The following SGPP2 variants were observed in gnomAD, a reference collection of about 807,000 sequenced individuals.
SGPP2 encodes sphingosine-1-phosphate phosphatase 2.
A neutral mutation model predicts 33.9 loss-of-function variants in SGPP2; 30 were observed. The ratio of observed to expected loss-of-function variants is 0.89; its 90% CI spans 0.66 to 1.20. The LOEUF is 1.20. SGPP2 is among the 50% of genes most tolerant of loss of function. The probability of loss-of-function intolerance (pLI) is 0.00; values close to 1 mark genes in which losing one functional copy is unlikely to be tolerated. For missense variants in SGPP2, 458 were observed against 532.1 expected, an observed-to-expected ratio of 0.86 and a Z score of 1.37; for synonymous variants, 233 against 225.0, an observed-to-expected ratio of 1.04 and a Z score of -0.32.
At chr2:222,464,499 T>C (rs1206117330) in intron 1 of SGPP2, among the ~76,000 whole-genome samples, 1 of 152,210 alleles carries the variant, frequency 6.6e-6, no homozygotes, top group African/African-American at 2.4e-5. Context: ...CTTTGCTTTT[T>C]TGAGATAGGG....
intron 4 of SGPP2, among the ~76,000 whole-genome samples, chr2:222,540,346 C>G (rs144228114): frequency 1.3e-5 from 2 of 152,102 alleles, no homozygotes; most frequent in Non-Finnish European, 2.9e-5. Flanking sequence ...CATGTGATGT[C>G]ATGTCAGTAT....
chr2:222,426,188 C>CAGT (rs1031890200), intron 1 of SGPP2, among the ~76,000 whole-genome samples: 19 of 118,704 alleles, frequency 1.6e-4, no homozygotes, highest in African/African-American at 6.3e-4. Flanking sequence ...CCAGCCAGGG[C>CAGT]GACTGAGCGA....
chr2:222,476,866 A>G lies in SGPP2; in HGVS notation c.378+2140A>G, dbSNP rs546600134. 4.0e-5 allele frequency among the ~76,000 whole-genome samples: 6 copies of G among 150,454 alleles called. No homozygotes were observed. Among genetic ancestry groups the G allele is most frequent in the African/African-American group, 9.9e-5 (4 of 40,406 alleles). On this transcript the variant is annotated intron_variant, in intron 2 of 4. Coordinates refer to ENST00000321276, the MANE Select transcript of SGPP2 (RefSeq NM_152386.4). This position sits in a 1 kb window ranked among gnomAD's most constrained non-coding sequence, Gnocchi z 4.3. ...TGTATATAGGTGTGTATATGTGTAT[A>G]TATAGGTGTGTGTATATATGTGTGT...
chr2:222,532,890 CA>C (rs1172270512), intron 4 of SGPP2, among the ~76,000 whole-genome samples: 1 of 152,080 alleles, frequency 6.6e-6, no homozygotes, highest in African/African-American at 2.4e-5. Context: ...ACAGGGGCCC[CA>C]ATGACATCAC....
intron 1 of SGPP2, among the ~76,000 whole-genome samples, chr2:222,450,783 C>T (rs1468739249): frequency 6.6e-6 from 1 of 152,132 alleles, no homozygotes; most frequent in Non-Finnish European, 1.5e-5. Context: ...CAAACCTTTG[C>T]CATGTTTGAG....
At chr2:222,539,450 T>C (rs1698960570) in intron 4 of SGPP2, among the ~76,000 whole-genome samples, 1 of 152,224 alleles carries the variant, frequency 6.6e-6, no homozygotes, top group Non-Finnish European at 1.5e-5. Flanking sequence ...TTGGAGGAGC[T>C]TGGGGAGCAC....
chr2:222,471,900 T>C (rs1221402669), intron 1 of SGPP2, among the ~76,000 whole-genome samples: 1 of 152,234 alleles, frequency 6.6e-6, no homozygotes, highest in Non-Finnish European at 1.5e-5. Context: ...TTATTGTTTT[T>C]TAAGTTGTTA....
chr2:222,529,058 A>G (rs10197969), intron 4 of SGPP2, among the ~76,000 whole-genome samples: 134,748 of 152,246 alleles, frequency 0.89, 60,039 homozygotes, highest in East Asian at 1. Flanking sequence ...ATATTTGATA[A>G]CCTTTTACCT....
At chr2:222,541,645 ACT>A (rs563780545) in intron 4 of SGPP2, among the ~76,000 whole-genome samples, 229 of 151,678 alleles carry the variant, frequency 1.5e-3, no homozygotes, top group African/African-American at 5.2e-3. Flanking sequence ...ATGGAGTCTC[ACT>A]CTGTCACCCA....
At chr2:222,513,921 A>G (rs1353861831) in intron 2 of SGPP2, among the ~76,000 whole-genome samples, 2 of 152,142 alleles carry the variant, frequency 1.3e-5, no homozygotes, top group Non-Finnish European at 2.9e-5. Context: ...TTCCATCTCT[A>G]TGGAGTTGCT....
chr2:222,429,521 A>G (rs1002049608), intron 1 of SGPP2, among the ~76,000 whole-genome samples: 3 of 152,236 alleles, frequency 2.0e-5, no homozygotes, highest in African/African-American at 4.8e-5. Context: ...ACTTGGAAAC[A>G]CACGAAGAGA....
At chr2:222,448,221 G>A (rs1041093939) in intron 1 of SGPP2, among the ~76,000 whole-genome samples, 2 of 152,192 alleles carry the variant, frequency 1.3e-5, no homozygotes, top group African/African-American at 2.4e-5. Context: ...GTACCATAAA[G>A]CTCTTTGGAG....
rs184811437 is a variant in SGPP2, at chr2:222,492,998, C to T, written c.378+18272C>T. Among the ~76,000 whole-genome samples, 364 of 152,278 alleles carry T rather than the reference C, an allele frequency of 2.4e-3. 2 individuals are homozygous for T. Among genetic ancestry groups the T allele is most frequent in the African/African-American group, 8.3e-3 (344 of 41,548 alleles). On this transcript the variant is annotated intron_variant, in intron 2 of 4. Coordinates refer to ENST00000321276, the MANE Select transcript of SGPP2 (RefSeq NM_152386.4). ...CATTCTGGTCAAAACCATTTAACAA[C>T]TCTCTAGGAAGTTCCAAATTTTCCT... is the stretch of plus-strand genomic sequence containing the variant.
intron 2 of SGPP2, among the ~76,000 whole-genome samples, chr2:222,478,410 G>A (rs1279236685): frequency 1.3e-5 from 2 of 152,118 alleles, no homozygotes; most frequent in South Asian, 2.1e-4. Flanking sequence ...GGCAAGTCCC[G>A]GAGGTTGGGG....
At chr2:222,503,751 C>G (rs1162324810) in intron 2 of SGPP2, 2 of 152,088 alleles carry the variant, frequency 1.3e-5, no homozygotes, top group Non-Finnish European at 2.9e-5. Context: ...TGGATGGGAC[C>G]TGTATAGAGA....
At chr2:222,489,624 C>T (rs2106109254) in intron 2 of SGPP2, among the ~76,000 whole-genome samples, 1 of 151,994 alleles carries the variant, frequency 6.6e-6, no homozygotes, top group East Asian at 1.9e-4. Context: ...GACTGTCCTA[C>T]AGGGCAGTCA....
chr2:222,487,410 C>T (rs1220735415), intron 2 of SGPP2, among the ~76,000 whole-genome samples: 1 of 152,156 alleles, frequency 6.6e-6, no homozygotes, highest in Non-Finnish European at 1.5e-5. Context: ...CTCTGGGCCT[C>T]AGTTCAACCA....
chr2:222,481,529 T>C (rs1480686458), intron 2 of SGPP2, among the ~76,000 whole-genome samples: 1 of 152,240 alleles, frequency 6.6e-6, no homozygotes, highest in African/African-American at 2.4e-5. Flanking sequence ...TTTAATTCTA[T>C]AGTATCATCA....
intron 1 of SGPP2, among the ~76,000 whole-genome samples, chr2:222,432,647 G>A (rs1314900195): frequency 6.6e-6 from 1 of 152,182 alleles, no homozygotes; most frequent in East Asian, 1.9e-4. Context: ...AAAGAGGGAG[G>A]TTGTAAAGAA....
Sources: gnomAD v4.1 joint callset for allele counts (sites outside exome capture counted in the v4.1 genomes callset) on GRCh38, gnomAD v4.1.1 for gene constraint, Gnocchi (gnomAD v3.1) non-coding constraint, MANE v1.5 for transcripts, NCBI Gene and HGNC (gene_info 2026-07-23, HGNC 2026-07-21) for gene names.